NHSL2: variants seen among roughly 807,000 people sequenced by gnomAD.
NHSL2 encodes the protein NHS-like protein 2.
NHSL2 carries 27 observed loss-of-function variants against 53.4 expected under a neutral mutation model. The observed-to-expected ratio is 0.51, with a 90% CI of 0.37 to 0.70. The LOEUF is 0.70. Ranked by LOEUF, NHSL2 falls within the 30% of genes least tolerant of loss-of-function variation. The probability of loss-of-function intolerance (pLI) is 0.00; values close to 1 mark genes in which losing one functional copy is unlikely to be tolerated. For synonymous variants in NHSL2, 408 were observed against 404.1 expected, an observed-to-expected ratio of 1.01 and a Z score of -0.12; for missense variants, 892 against 980.1, an observed-to-expected ratio of 0.91 and a Z score of 1.20.
intron 1 of NHSL2, among the ~76,000 whole-genome samples, chrX:71,969,319 C>CT (rs760980869): frequency 0.19 from 11,360 of 60,661 alleles, 1,499 homozygotes; most frequent in African/African-American, 0.43. Context: ...TTTTTTTTTT[C>CT]TTTTTTTTTT....
At chrX:72,116,255 G>A (rs1017505388) in intron 1 of NHSL2, among the ~76,000 whole-genome samples, 1 of 112,056 alleles carries the variant, frequency 8.9e-6, no homozygotes, top group Non-Finnish European at 1.9e-5. Flanking sequence ...AACTGTTATC[G>A]TTGGAAATAA....
At chrX:72,010,077 A>T (rs2042109602) in intron 1 of NHSL2, among the ~76,000 whole-genome samples, 1 of 112,745 alleles carries the variant, frequency 8.9e-6, no homozygotes, top group African/African-American at 3.2e-5. Context: ...AATCTTATGG[A>T]AATTGTTGCT....
At chrX:72,064,564 G>C (rs184637237) in intron 1 of NHSL2, among the ~76,000 whole-genome samples, 3 of 111,987 alleles carry the variant, frequency 2.7e-5, no homozygotes, top group African/African-American at 9.8e-5. Flanking sequence ...CTTGGGTTCC[G>C]GGGGGCAGTC....
At chrX:72,039,794 G>C (rs2042263685) in intron 1 of NHSL2, among the ~76,000 whole-genome samples, 1 of 111,760 alleles carries the variant, frequency 8.9e-6, no homozygotes. Context: ...CGTGTCCACA[G>C]TCTGCAGTAC....
intron 1 of NHSL2, among the ~76,000 whole-genome samples, chrX:72,093,001 A>G (rs142748292): frequency 0.046 from 5,212 of 112,639 alleles, 327 homozygotes; most frequent in African/African-American, 0.16. Flanking sequence ...AAGACATTCA[A>G]GAAGTATTAT....
At chrX:72,062,302 C>A (rs2042403620) in intron 1 of NHSL2, among the ~76,000 whole-genome samples, 1 of 112,293 alleles carries the variant, frequency 8.9e-6, no homozygotes, top group Admixed American at 9.4e-5. Context: ...TATTAACAGT[C>A]ATCTTTATCA....
At chrX:72,116,306 A>C (rs2042138378) in intron 1 of NHSL2, among the ~76,000 whole-genome samples, 1 of 112,194 alleles carries the variant, frequency 8.9e-6, no homozygotes, top group South Asian at 3.7e-4. Flanking sequence ...GTATGACAGT[A>C]ATTCTAACTG....
intron 1 of NHSL2, among the ~76,000 whole-genome samples, chrX:72,058,533 C>T (rs1194140309): frequency 1.8e-5 from 2 of 111,699 alleles, no homozygotes; most frequent in South Asian, 3.8e-4. Context: ...TTCATAGAGA[C>T]GGGGTTTCCC....
chrX:71,963,136 A>G (rs914122206), intron 1 of NHSL2, among the ~76,000 whole-genome samples: 4 of 110,396 alleles, frequency 3.6e-5, no homozygotes, highest in Non-Finnish European at 5.7e-5. Context: ...TTTTGAGTTT[A>G]GTTTCCTCTT....
At chrX:71,914,837 A>G (rs1015426198) in intron 1 of NHSL2, among the ~76,000 whole-genome samples, 4 of 110,880 alleles carry the variant, frequency 3.6e-5, no homozygotes, top group East Asian at 2.8e-4. Flanking sequence ...GCTAATGAAG[A>G]GAAGAGATGG....
intron 1 of NHSL2, among the ~76,000 whole-genome samples, chrX:72,116,379 G>A (rs1360182293): frequency 8.9e-6 from 1 of 112,312 alleles, no homozygotes; most frequent in Non-Finnish European, 1.9e-5. Context: ...TATCTTCACT[G>A]CGATTGTACT....
intron 1 of NHSL2, among the ~76,000 whole-genome samples, chrX:72,111,072 A>G (rs779864423): frequency 8.9e-6 from 1 of 112,958 alleles, no homozygotes; most frequent in African/African-American, 3.2e-5. Flanking sequence ...GGTTATGTGC[A>G]ATGTTTTGGG....
At chrX:72,068,453 G>A (rs185454018) in intron 1 of NHSL2, among the ~76,000 whole-genome samples, 1 of 112,280 alleles carries the variant, frequency 8.9e-6, no homozygotes, top group African/African-American at 3.2e-5. Flanking sequence ...CATCAGCATT[G>A]AGCAGTACCA....
rs950185425 is a variant in NHSL2, at chrX:72,149,089, G to A, written c.*5515G>A. 8 of 109,751 alleles carry A rather than the reference G, an allele frequency of 7.3e-5. No individual in the cohort carries two copies. In the East Asian group the frequency reaches 8.5e-4, roughly 12 times the overall value. The allele number at this position is 109,751 out of a possible 1,213,427, so 9.0% of individuals were successfully genotyped here. Reference sequence around the variant, plus strand: ...GGAGTCTCATGTTTTATGGGACTCCGGTGCATATGCTCGAAAAAAATTAAA... The same window carrying A: ...GGAGTCTCATGTTTTATGGGACTCCAGTGCATATGCTCGAAAAAAATTAAA... On this transcript the variant is annotated 3_prime_UTR_variant, in exon 8 of 8. Transcript: ENST00000633930.
chrX:72,040,640 A>T (rs1165582992), intron 1 of NHSL2, among the ~76,000 whole-genome samples: 2 of 112,159 alleles, frequency 1.8e-5, no homozygotes, highest in East Asian at 5.6e-4. Flanking sequence ...TTCCAGGAGC[A>T]TCCCCTGAGC....
chrX:71,994,298 C>CTGTG (rs10673341), intron 1 of NHSL2, among the ~76,000 whole-genome samples: 4,331 of 89,927 alleles, frequency 0.048, 111 homozygotes, highest in African/African-American at 0.089. Flanking sequence ...GAGGCTCCCT[C>CTGTG]TGTGTGTGTG....
chrX:72,133,345 G>A (rs1384962726), intron 2 of NHSL2, among the ~76,000 whole-genome samples: 5 of 112,008 alleles, frequency 4.5e-5, no homozygotes, highest in Admixed American at 3.8e-4. Context: ...AGAACCCCAA[G>A]AGCAACCCCA....
At chrX:71,939,080 G>T (rs1236265982) in intron 1 of NHSL2, among the ~76,000 whole-genome samples, 1 of 112,227 alleles carries the variant, frequency 8.9e-6, no homozygotes, top group Admixed American at 9.4e-5. Context: ...TGGACTTGGG[G>T]AGCCAAGGCC....
intron 1 of NHSL2, among the ~76,000 whole-genome samples, chrX:71,953,890 G>C (rs1442963735): frequency 8.9e-6 from 1 of 112,068 alleles, no homozygotes; most frequent in Non-Finnish European, 1.9e-5. Flanking sequence ...AATCTCTTCA[G>C]CTCAATAGTT....
Sources: allele counts gnomAD v4.1 joint callset (sites outside exome capture counted in the v4.1 genomes callset), GRCh38; gene constraint gnomAD v4.1.1; transcripts MANE v1.5; gene names NCBI Gene and HGNC (gene_info 2026-07-23, HGNC 2026-07-21).